The following LMNTD1 variants were observed in gnomAD, a reference collection of about 807,000 sequenced individuals.
LMNTD1 encodes lamin tail domain-containing protein 1.
A neutral mutation model predicts 50.9 loss-of-function variants in LMNTD1; 35 were observed. The ratio of observed to expected loss-of-function variants is 0.69; its 90% CI spans 0.53 to 0.91. The LOEUF is 0.91. Ranked by LOEUF, LMNTD1 falls within the 40% of genes least tolerant of loss-of-function variation. LMNTD1 has a pLI of 0.00. For synonymous variants in LMNTD1, 153 were observed against 161.9 expected (o/e 0.94, Z 0.42); for missense variants, 470 against 475.5 (o/e 0.99, Z 0.11).
At chr12:25,630,261 T>G (rs1161271049) in intron 1 of LMNTD1, among the ~76,000 whole-genome samples, 1 of 151,720 alleles carries the variant, frequency 6.6e-6, no homozygotes, top group Non-Finnish European at 1.5e-5. Flanking sequence ...GTATCTGGAG[T>G]TGCTACAATA....
At chr12:25,618,294 A>C (rs868355971) in intron 1 of LMNTD1, among the ~76,000 whole-genome samples, 5 of 152,062 alleles carry the variant, frequency 3.3e-5, no homozygotes, top group Non-Finnish European at 2.9e-5. Context: ...ATTCTGATTT[A>C]ATTGCTCTTG....
chr12:25,591,381 G>A (rs1256258785), intron 1 of LMNTD1, among the ~76,000 whole-genome samples: 1 of 152,228 alleles, frequency 6.6e-6, no homozygotes. Flanking sequence ...ACTCCATGTG[G>A]GCCTGTGGTG....
intron 1 of LMNTD1, among the ~76,000 whole-genome samples, chr12:25,570,230 A>G (rs1271536879): frequency 6.6e-6 from 1 of 152,236 alleles, no homozygotes; most frequent in Non-Finnish European, 1.5e-5. Context: ...AGATGAAACT[A>G]TAGTAGCTGC....
chr12:25,605,402 C>T (rs1456716405), intron 1 of LMNTD1, among the ~76,000 whole-genome samples: 12 of 152,146 alleles, frequency 7.9e-5, no homozygotes, highest in South Asian at 6.2e-4. Context: ...GTGTTTTAAA[C>T]ATGAAGTCCT....
chr12:25,517,687 C>T (rs1218509656), intron 8 of LMNTD1, among the ~76,000 whole-genome samples: 3 of 143,306 alleles, frequency 2.1e-5, no homozygotes, highest in Non-Finnish European at 4.5e-5. Context: ...TGCACATGTA[C>T]CCTAAAACTT....
intron 4 of LMNTD1, among the ~76,000 whole-genome samples, chr12:25,539,526 C>T (rs1051011596): frequency 2.6e-5 from 4 of 151,428 alleles, no homozygotes; most frequent in South Asian, 2.1e-4. Flanking sequence ...TTGAAACCAA[C>T]GAGAACAAAG....
intron 1 of LMNTD1, among the ~76,000 whole-genome samples, chr12:25,633,095 T>C (rs936880582): frequency 6.7e-6 from 1 of 150,280 alleles, no homozygotes; most frequent in Non-Finnish European, 1.5e-5. Flanking sequence ...CATCATGTAA[T>C]GGTAAAAGGC....
At chr12:25,610,433 A>G (rs1353984617) in intron 1 of LMNTD1, among the ~76,000 whole-genome samples, 1 of 152,190 alleles carries the variant, frequency 6.6e-6, no homozygotes, top group Non-Finnish European at 1.5e-5. Flanking sequence ...TCACACTGAG[A>G]GCTGCAGACC....
At chr12:25,538,601 A>G (rs1591953872) in intron 4 of LMNTD1, among the ~76,000 whole-genome samples, 1 of 142,682 alleles carries the variant, frequency 7.0e-6, no homozygotes, top group African/African-American at 2.6e-5. Flanking sequence ...AACAACCGGT[A>G]CCAGCCGCTG....
chr12:25,633,807 G>A (rs913025552), intron 1 of LMNTD1, among the ~76,000 whole-genome samples: 4 of 151,962 alleles, frequency 2.6e-5, no homozygotes, highest in African/African-American at 9.7e-5. Context: ...CCCAGCAGAA[G>A]AAAGGAAATA....
intron 1 of LMNTD1, among the ~76,000 whole-genome samples, chr12:25,590,443 G>T (rs1490730514): frequency 6.6e-6 from 1 of 152,168 alleles, no homozygotes; most frequent in Non-Finnish European, 1.5e-5. Flanking sequence ...GTGCTCTGGG[G>T]CCCTTAATAA....
intron 1 of LMNTD1, among the ~76,000 whole-genome samples, chr12:25,616,015 T>G (rs73300407): frequency 0.069 from 10,416 of 151,956 alleles, 640 homozygotes; most frequent in African/African-American, 0.17. Flanking sequence ...GTGAACCAAT[T>G]AAGTTCCTGT....
At chr12:25,497,346 C>T (rs1939121392) in intron 9 of LMNTD1, among the ~76,000 whole-genome samples, 1 of 152,030 alleles carries the variant, frequency 6.6e-6, no homozygotes, top group Non-Finnish European at 1.5e-5. Flanking sequence ...GGGGACTGGC[C>T]TTGCAGAGGA....
chr12:25,507,717 T>C (rs762549477), intron 8 of LMNTD1, among the ~76,000 whole-genome samples: 1 of 152,220 alleles, frequency 6.6e-6, no homozygotes, highest in Non-Finnish European at 1.5e-5. Context: ...CACATAATCC[T>C]ACTATTTGCA....
intron 3 of LMNTD1, among the ~76,000 whole-genome samples, chr12:25,548,464 G>T (rs754113215): frequency 2.0e-5 from 3 of 151,760 alleles, no homozygotes; most frequent in Non-Finnish European, 3.0e-5. Context: ...GTGCTTACAG[G>T]TAAGTTCAGA....
intron 9 of LMNTD1, among the ~76,000 whole-genome samples, chr12:25,481,229 TATC>T (rs1938433261): frequency 6.6e-6 from 1 of 151,980 alleles, no homozygotes. Context: ...AGCAGTTCCT[TATC>T]ATCCTTCTCG....
intron 9 of LMNTD1, among the ~76,000 whole-genome samples, chr12:25,487,351 G>T (rs966408068): frequency 1.5e-4 from 20 of 136,100 alleles, no homozygotes; most frequent in Admixed American, 7.8e-5. Flanking sequence ...AGGATAGTTA[G>T]CTCTTCTTGT....
intron 1 of LMNTD1, among the ~76,000 whole-genome samples, chr12:25,580,331 A>G (rs943805835): frequency 6.6e-6 from 1 of 152,186 alleles, no homozygotes; most frequent in African/African-American, 2.4e-5. Context: ...ATACGCAATC[A>G]TTTGCACTGT....
At chr12:25,579,776 C>T (rs990870658) in intron 1 of LMNTD1, among the ~76,000 whole-genome samples, 3 of 152,108 alleles carry the variant, frequency 2.0e-5, no homozygotes, top group Non-Finnish European at 2.9e-5. Context: ...CCAACCACTA[C>T]ATATTATCAA....
Sources: gnomAD v4.1 joint callset for allele counts (sites outside exome capture counted in the v4.1 genomes callset) on GRCh38, gnomAD v4.1.1 for gene constraint, MANE v1.5 for transcripts, NCBI Gene and HGNC (gene_info 2026-07-23, HGNC 2026-07-21) for gene names.